Variants in HTT observed in about 807,000 individuals in gnomAD.
HTT encodes huntingtin.
HTT carries 104 observed loss-of-function variants against 362.3 expected under a neutral mutation model. The ratio of observed to expected loss-of-function variants is 0.29; its 90% CI spans 0.24 to 0.34. The LOEUF is 0.34. Among genes scored for constraint, HTT ranks in the 10% least tolerant of loss-of-function variants. HTT has a pLI of 1.00. For synonymous variants in HTT, 1,577 were observed against 1,548.7 expected, an observed-to-expected ratio of 1.02 and a Z score of -0.43; for missense variants, 3,301 against 3,928.6, an observed-to-expected ratio of 0.84 and a Z score of 4.27.
intron 33 of HTT, among the ~76,000 whole-genome samples, chr4:3,176,381 A>T (rs1258793864): frequency 1.3e-5 from 2 of 152,144 alleles, no homozygotes; most frequent in East Asian, 3.9e-4. Context: ...CGTTGGCCTG[A>T]TGCTTTCATC....
At chr4:3,195,159 GGA>G (rs1719188812) in intron 40 of HTT, among the ~76,000 whole-genome samples, 1 of 152,010 alleles carries the variant, frequency 6.6e-6, no homozygotes, top group Admixed American at 6.6e-5. Flanking sequence ...TGTGTGGCGT[GGA>G]GAAGAGATGG....
intron 28 of HTT, among the ~76,000 whole-genome samples, chr4:3,159,568 T>G (rs363144): frequency 0.015 from 2,257 of 152,366 alleles, 22 homozygotes; most frequent in Non-Finnish European, 0.025. Context: ...TTAGATCCAC[T>G]CACATTTTCA....
At chr4:3,130,123 C>T (rs1162804850) in intron 13 of HTT, 76 bp downstream of exon 13, 10 of 1,424,302 alleles carry the variant, frequency 7.0e-6, no homozygotes, top group Non-Finnish European at 8.5e-6. Flanking sequence ...TCTTTGCTTC[C>T]AAGAAGAAGT....
Position 3,131,685 on chromosome 4 carries a change from C to G in HTT, c.2146C>G (p.Leu716Val). The G allele has an allele frequency of 6.2e-7, 1 of 1,614,078 alleles. No individual in the cohort carries two copies. Among genetic ancestry groups the G allele is most frequent in the South Asian group, 1.1e-5 (1 of 91,074 alleles). Reference sequence around the variant, plus strand: ...GAGGGTCAGCGTGAAGGCCCTGGCCCTCAGCTGTGTGGGAGCAGCTGTGGC... The same window carrying G: ...GAGGGTCAGCGTGAAGGCCCTGGCCGTCAGCTGTGTGGGAGCAGCTGTGGC... The part of the protein sequence containing the change: ...DVRVSVKALA[L>V]SCVGAAVALH... The change falls in exon 16 of 67, where the codon CTC becomes GTC. Residue 716 changes from leucine to valine, a missense_variant. Around this residue, in one of 4 missense-constraint regions of HTT, gnomAD observed 2,316 missense variants for 2,658.5 expected, o/e 0.87. Transcript: ENST00000355072.
In HTT at chr4:3,203,961, C is replaced by T; in HGVS notation, c.5577-46C>T. 3 of 1,599,882 alleles carry T rather than the reference C, an allele frequency of 1.9e-6. No individual in the cohort carries two copies. In the South Asian group the frequency reaches 3.3e-5, roughly 18 times the overall value. ...ATCTTCAGTATTTTGCAAATAAGCT[C>T]ACTGCCATCCAGAAACATTGTCAAT... On this transcript the variant is annotated intron_variant, in intron 41 of 66. Transcript: ENST00000355072.
At chr4:3,138,344 A>C (rs757487693) in intron 21 of HTT, among the ~76,000 whole-genome samples, 5 of 152,124 alleles carry the variant, frequency 3.3e-5, no homozygotes, top group Non-Finnish European at 7.3e-5. Flanking sequence ...CTGTCACCCG[A>C]GTAGTGTACC....
At chr4:3,091,454 T>G in intron 2 of HTT, among the ~76,000 whole-genome samples, 1 of 152,184 alleles carries the variant, frequency 6.6e-6, no homozygotes, top group East Asian at 1.9e-4. Flanking sequence ...AAAAACTGTT[T>G]TGAGTGGAAT....
chr4:3,074,928 CAGCA>C lies in HTT; in HGVS notation c.104_107del (p.Gln35ArgfsTer65). ...GCAGCAGCAGCAGCAGCAGCAGCAG[CAGCA>C]GCAACAGCCGCCACCGCCGCCGCCG... On this transcript the variant is annotated frameshift_variant, in exon 1 of 67. Transcript: ENST00000355072. LOFTEE classifies it high-confidence loss of function. The C allele has an allele frequency of 2.8e-6, 4 of 1,439,146 alleles. No individual in the cohort carries two copies. In the South Asian group the frequency reaches 3.8e-5, roughly 14 times the overall value. 89.1% of individuals were successfully genotyped at this position (1,439,146 alleles called of 1,614,324 possible).
At chr4:3,172,804 G>T in intron 30 of HTT, 104 bp from the exon 31 acceptor site, 1 of 821,272 alleles carries the variant, frequency 1.2e-6, no homozygotes, top group African/African-American at 1.7e-5. Flanking sequence ...GTGAGTCTTT[G>T]CTAACATATC....
At chr4:3,186,835 TTGC>T in intron 38 of HTT, 116 bp downstream of exon 38, 6 of 775,808 alleles carry the variant, frequency 7.7e-6, no homozygotes, top group Admixed American at 6.6e-5. Flanking sequence ...TCTTGAGAGT[TTGC>T]TTTTTTTTTT....
At chr4:3,220,078 A>G in intron 52 of HTT, 104 bp from the exon 53 acceptor site, 1 of 1,247,296 alleles carries the variant, frequency 8.0e-7, no homozygotes, top group Non-Finnish European at 1.2e-6. Context: ...GTGTTGGGGT[A>G]GTGAGGAGGG....
rs1198766882 is a variant in HTT, at chr4:3,233,330, C to T, written c.8433C>T (p.Leu2811=). ...QLIPVISDYL[L]SNLKGIAHCV... is the part of the protein sequence containing the mutation. ...TCCCGGTCATCAGCGACTATCTCCT[C>T]TCCAACCTGAAAGGGATCGCCCAGT... The change falls in exon 61 of 67, where the codon CTC becomes CTT. Residue 2811 remains leucine (L), a synonymous_variant. Transcript: ENST00000355072. 5.6e-6 allele frequency: 9 copies of T among 1,606,106 alleles called. No individual in the cohort carries two copies. The highest frequency in any genetic ancestry group is 7.7e-6 in the Non-Finnish European group (9 of 1,174,116).
At chr4:3,209,685 T>G in intron 46 of HTT, 142 bp from the exon 47 acceptor site, 1 of 955,784 alleles carries the variant, frequency 1.0e-6, no homozygotes, top group Admixed American at 2.1e-5. Flanking sequence ...TGGTGAGCCG[T>G]ATAGCCACAG....
intron 2 of HTT, among the ~76,000 whole-genome samples, chr4:3,098,331 C>T (rs1473163338): frequency 1.3e-5 from 2 of 152,200 alleles, no homozygotes; most frequent in Non-Finnish European, 2.9e-5. Context: ...ATCTTCCAAC[C>T]ATTGTTTGCA....
At chr4:3,194,423 G>A (rs1719154209) in intron 40 of HTT, among the ~76,000 whole-genome samples, 1 of 152,220 alleles carries the variant, frequency 6.6e-6, no homozygotes, top group Non-Finnish European at 1.5e-5. Flanking sequence ...AAGATAGACT[G>A]GTTTAGAAAC....
intron 29 of HTT, among the ~76,000 whole-genome samples, chr4:3,171,547 G>A (rs1717975762): frequency 1.3e-5 from 2 of 149,078 alleles, no homozygotes; most frequent in East Asian, 2.0e-4. Flanking sequence ...GCGCCATCTC[G>A]GCTCACTGTA....
intron 33 of HTT, among the ~76,000 whole-genome samples, chr4:3,176,863 C>G (rs963357824): frequency 2.0e-5 from 3 of 152,226 alleles, no homozygotes; most frequent in African/African-American, 7.2e-5. Context: ...GGAAGCTCCC[C>G]GTCAGGTTGG....
chr4:3,134,345 G>T, intron 18 of HTT, 56 bp from the exon 19 acceptor site: 1 of 1,530,260 alleles, frequency 6.5e-7, no homozygotes, highest in Admixed American at 1.9e-5. Context: ...CCGTCAAGAC[G>T]CGGGTACTGA....
At chr4:3,157,329 AGTTT>A (rs1010744725) in intron 28 of HTT, 130 bp downstream of exon 28, 23 of 846,492 alleles carry the variant, frequency 2.7e-5, no homozygotes, top group South Asian at 6.5e-5. Context: ...AGTTTTTTCA[AGTTT>A]GTTTGTCTTT....
Sources: allele counts gnomAD v4.1 joint callset (sites outside exome capture counted in the v4.1 genomes callset), GRCh38; gene constraint gnomAD v4.1.1; regional missense constraint gnomAD v4.1.1; transcripts MANE v1.5; gene names NCBI Gene and HGNC (gene_info 2026-07-23, HGNC 2026-07-21).